The following TMEM200A variants were observed in gnomAD, a reference collection of about 807,000 sequenced individuals.
TMEM200A encodes transmembrane protein 200A.
A neutral mutation model predicts 24.3 loss-of-function variants in TMEM200A; 12 were observed. That is an observed-to-expected ratio of 0.49 (90% CI 0.32 to 0.80). The LOEUF is 0.80. TMEM200A is among the 30% of genes least tolerant of loss of function. The pLI, the probability that TMEM200A is intolerant of heterozygous loss-of-function variation, is 0.04. For synonymous variants in TMEM200A, 224 were observed against 224.4 expected, an observed-to-expected ratio of 1.00 and a Z score of 0.02; for missense variants, 545 against 614.4, an observed-to-expected ratio of 0.89 and a Z score of 1.19.
chr6:130,389,057 C>A (rs1384393479), intron 2 of TMEM200A, among the ~76,000 whole-genome samples: 1 of 151,986 alleles, frequency 6.6e-6, no homozygotes, highest in African/African-American at 2.4e-5. Flanking sequence ...TTAGATAAGT[C>A]AAAGATATTG....
At chr6:130,403,729 C>G (rs1779141917) in intron 2 of TMEM200A, among the ~76,000 whole-genome samples, 2 of 151,722 alleles carry the variant, frequency 1.3e-5, no homozygotes, top group African/African-American at 2.4e-5. Context: ...CCTAGATAAA[C>G]TTGTGTCATG....
rs755255101 is a variant in TMEM200A, at chr6:130,440,939, C to T, written c.517C>T (p.Leu173=). ...IYSTVIDIHT[L]RIKEQRQMNG... ...TTCCACAGTCATTGACATTCACACGCTAAGAATCAAGGAGCAAAGGCAAAT... is the reference window on the plus strand; with the variant it reads ...TTCCACAGTCATTGACATTCACACGTTAAGAATCAAGGAGCAAAGGCAAAT... Residue 173 remains leucine, a synonymous_variant, in exon 3 of 3, where the codon CTA becomes TTA. Transcript: ENST00000296978. The T allele has an allele frequency of 1.2e-6, 2 of 1,614,020 alleles. No individual in the cohort carries two copies. The highest frequency in any genetic ancestry group is 2.2e-5 in the South Asian group (2 of 91,082).
rs774906376 is a variant in TMEM200A, at chr6:130,442,539, G to A, written c.*641G>A. ...ACGTATTCAAGAGCCATGGCTGACA[G>A]TGCCAGATATACTTAGGGATAAACA... On this transcript the variant is annotated 3_prime_UTR_variant, in exon 3 of 3. Coordinates refer to ENST00000296978, the MANE Select transcript of TMEM200A (RefSeq NM_001258277.2). 1.8e-5 allele frequency: 3 copies of A among 166,620 alleles called. No homozygotes were observed. Among genetic ancestry groups the A allele is most frequent in the Non-Finnish European group, 4.4e-5 (3 of 68,090 alleles). The allele number at this position is 166,620 out of a possible 1,614,324, so 10.3% of individuals were successfully genotyped here. A position where few individuals can be genotyped will look rare whatever the true frequency, so the allele number is the denominator to read the frequency against.
In TMEM200A at chr6:130,440,007, ACT is replaced by A. The variant is rs1034025508; in HGVS notation, c.-16-397_-16-396del. ...TGAATGATTTAAAATAGCACAGATA[ACT>A]CTGTGTGTGTGTGTGTATGTGTGTG... On this transcript the variant is annotated intron_variant, in intron 2 of 2. Coordinates refer to ENST00000296978, the MANE Select transcript of TMEM200A (RefSeq NM_001258277.2). Among the ~76,000 whole-genome samples the A allele has an allele frequency of 1.2e-3, 185 of 150,342 alleles. 2 individuals carry two copies. Among genetic ancestry groups the A allele is most frequent in the African/African-American group, 4.1e-3 (169 of 40,732 alleles).
intron 2 of TMEM200A, among the ~76,000 whole-genome samples, chr6:130,403,397 G>A (rs1039902784): frequency 1.3e-5 from 2 of 151,882 alleles, no homozygotes; most frequent in Non-Finnish European, 2.9e-5. Context: ...TTATTATTTC[G>A]ATAAACGGTA....
intron 2 of TMEM200A, among the ~76,000 whole-genome samples, chr6:130,415,461 A>T (rs992398108): frequency 2.6e-5 from 4 of 152,176 alleles, no homozygotes; most frequent in African/African-American, 9.6e-5. Context: ...GAATTGCACC[A>T]TTCCTTGGTG....
intron 2 of TMEM200A, among the ~76,000 whole-genome samples, chr6:130,431,677 G>A (rs182564651): frequency 2.0e-5 from 3 of 152,208 alleles, no homozygotes; most frequent in Admixed American, 2.0e-4. Context: ...TTGGCCTCCT[G>A]GAGACTTCTG....
At chr6:130,383,152 GTAGC>G in intron 1 of TMEM200A, 1 of 708,926 alleles carries the variant, frequency 1.4e-6, no homozygotes, top group Non-Finnish European at 1.7e-6. Flanking sequence ...TTAGTTGTCC[GTAGC>G]ATCGGGCAAG....
At chr6:130,421,397 AT>A (rs1779583367) in intron 2 of TMEM200A, 1 of 152,060 alleles carries the variant, frequency 6.6e-6, no homozygotes, top group African/African-American at 2.4e-5. Context: ...TGTTTTTTAA[AT>A]TGAAATTGTA....
chr6:130,372,733 T>C (rs1246715959), intron 1 of TMEM200A, among the ~76,000 whole-genome samples: 3 of 152,208 alleles, frequency 2.0e-5, no homozygotes, highest in Non-Finnish European at 4.4e-5. Context: ...TTGTATCTGC[T>C]TAGGTGTGTG....
At chr6:130,411,846 T>G (rs1779336941) in intron 2 of TMEM200A, among the ~76,000 whole-genome samples, 1 of 152,198 alleles carries the variant, frequency 6.6e-6, no homozygotes, top group African/African-American at 2.4e-5. Context: ...ACTGTAAAAC[T>G]GCATGATATT....
intron 2 of TMEM200A, among the ~76,000 whole-genome samples, chr6:130,392,524 C>T (rs755291070): frequency 7.9e-5 from 12 of 152,134 alleles, no homozygotes; most frequent in East Asian, 3.9e-4. Flanking sequence ...TAAGCCTTTC[C>T]GCCTCCGGTT....
intron 2 of TMEM200A, among the ~76,000 whole-genome samples, chr6:130,414,520 G>A (rs1250067882): frequency 6.6e-6 from 1 of 150,996 alleles, no homozygotes; most frequent in Non-Finnish European, 1.5e-5. Flanking sequence ...GGAACCTAAA[G>A]TGTTGTTACC....
upstream of TMEM200A, chr6:130,365,851 G>A (rs898947393): frequency 5.1e-6 from 5 of 985,528 alleles, no homozygotes; most frequent in Non-Finnish European, 4.8e-6. Context: ...TCCTCCAGGA[G>A]GAGTGGGTGG....
chr6:130,416,168 C>G (rs1249116643), intron 2 of TMEM200A, among the ~76,000 whole-genome samples: 1 of 152,080 alleles, frequency 6.6e-6, no homozygotes, highest in African/African-American at 2.4e-5. Flanking sequence ...GAAATTAGTA[C>G]TAAATTATAC....
intron 2 of TMEM200A, among the ~76,000 whole-genome samples, chr6:130,409,053 C>T (rs994953720): frequency 6.6e-6 from 1 of 152,154 alleles, no homozygotes; most frequent in East Asian, 1.9e-4. Flanking sequence ...TTGTTTGATA[C>T]TTTCTCAGAG....
At chr6:130,377,776 A>T (rs1173333872) in intron 1 of TMEM200A, among the ~76,000 whole-genome samples, 1 of 152,224 alleles carries the variant, frequency 6.6e-6, no homozygotes, top group Non-Finnish European at 1.5e-5. Context: ...TCCTGTCTTT[A>T]TGAGCCTTAT....
chr6:130,439,726 T>A (rs1780105792), intron 2 of TMEM200A, among the ~76,000 whole-genome samples: 1 of 151,950 alleles, frequency 6.6e-6, no homozygotes, highest in South Asian at 2.1e-4. Flanking sequence ...GTCAGTGAGG[T>A]CAGAGTAGAA....
intron 1 of TMEM200A, among the ~76,000 whole-genome samples, chr6:130,378,722 C>CAA (rs56819618): frequency 8.4e-4 from 47 of 56,148 alleles, no homozygotes; most frequent in East Asian, 1.4e-3. Context: ...GACTCCGTCT[C>CAA]AAAAAAAAAA....
Sources: gnomAD v4.1 joint callset for allele counts (sites outside exome capture counted in the v4.1 genomes callset) on GRCh38, gnomAD v4.1.1 for gene constraint, MANE v1.5 for transcripts, NCBI Gene and HGNC (gene_info 2026-07-23, HGNC 2026-07-21) for gene names.